GRIK2: variants seen among roughly 807,000 people sequenced by gnomAD.
GRIK2 encodes the protein glutamate receptor ionotropic, kainate 2.
GRIK2 carries 32 observed loss-of-function variants against 100.3 expected under a neutral mutation model. That is an observed-to-expected ratio of 0.32 (90% confidence interval 0.24 to 0.43). The LOEUF is 0.43. Ranked by LOEUF, GRIK2 falls within the 20% of genes least tolerant of loss-of-function variation. The probability of loss-of-function intolerance (pLI) is 1.00; values close to 1 mark genes in which losing one functional copy is unlikely to be tolerated. For synonymous variants in GRIK2, 417 were observed against 389.4 expected (o/e 1.07, Z -0.83); for missense variants, 843 against 1,114.9 (o/e 0.76, Z 3.47).
At chr6:101,445,769 A>C (rs1041713428) in intron 2 of GRIK2, among the ~76,000 whole-genome samples, 1 of 152,002 alleles carries the variant, frequency 6.6e-6, no homozygotes, top group African/African-American at 2.4e-5. Flanking sequence ...TCTGTAGTTG[A>C]CTCATTCACT....
At chr6:101,483,627 T>G (rs1019812421) in intron 2 of GRIK2, among the ~76,000 whole-genome samples, 2 of 152,198 alleles carry the variant, frequency 1.3e-5, no homozygotes, top group African/African-American at 4.8e-5. Context: ...TAGGCTGGAG[T>G]GCAGTGGCAC....
intron 2 of GRIK2, among the ~76,000 whole-genome samples, chr6:101,599,686 T>G (rs623176): frequency 0.3 from 45,223 of 151,674 alleles, 7,458 homozygotes; most frequent in African/African-American, 0.43. Flanking sequence ...TTCATATGCT[T>G]GTTGACCACA....
At chr6:101,880,007 A>G (rs1786136021) in intron 11 of GRIK2, among the ~76,000 whole-genome samples, 1 of 152,030 alleles carries the variant, frequency 6.6e-6, no homozygotes, top group Non-Finnish European at 1.5e-5. Flanking sequence ...CATATGGCTT[A>G]TTTTAAATAA....
chr6:101,448,120 G>A (rs1230014329), intron 2 of GRIK2, among the ~76,000 whole-genome samples: 1 of 151,636 alleles, frequency 6.6e-6, no homozygotes, highest in Non-Finnish European at 1.5e-5. Context: ...CTGTTTTAGA[G>A]TTAGTCTACC....
intron 15 of GRIK2, among the ~76,000 whole-genome samples, chr6:102,041,200 C>CA (rs942885982): frequency 1.3e-5 from 2 of 151,590 alleles, no homozygotes; most frequent in African/African-American, 4.8e-5. Context: ...CCACTGTGAA[C>CA]AGCCGTGATT....
At chr6:101,531,444 A>T (rs1292065200) in intron 2 of GRIK2, among the ~76,000 whole-genome samples, 3 of 151,968 alleles carry the variant, frequency 2.0e-5, no homozygotes, top group Admixed American at 6.6e-5. Flanking sequence ...GACAAGTAAC[A>T]TATATTTGAG....
At chr6:101,648,082 T>G (rs551650067) in intron 4 of GRIK2, among the ~76,000 whole-genome samples, 33 of 152,186 alleles carry the variant, frequency 2.2e-4, no homozygotes, top group African/African-American at 7.2e-4. Context: ...ACATCACCCC[T>G]GATGGATCAC....
At chr6:101,876,052 A>G (rs1192443863) in intron 11 of GRIK2, among the ~76,000 whole-genome samples, 1 of 151,246 alleles carries the variant, frequency 6.6e-6, no homozygotes, top group Non-Finnish European at 1.5e-5. Flanking sequence ...TCATCTTGGG[A>G]TCAACATTAC....
At chr6:101,744,211 G>A (rs1370469218) in intron 7 of GRIK2, among the ~76,000 whole-genome samples, 1 of 151,850 alleles carries the variant, frequency 6.6e-6, no homozygotes, top group East Asian at 1.9e-4. Context: ...CAAAGTTCTG[G>A]GATTACAGAC....
Position 101,887,136 on chromosome 6 carries a change from C to A in GRIK2, c.1525-2504C>A, listed in dbSNP as rs1470559219. Among the ~76,000 whole-genome samples, 3 of 151,962 alleles carry A rather than the reference C, an allele frequency of 2.0e-5. No individual in the cohort carries two copies. In the East Asian group the frequency reaches 5.8e-4, roughly 29 times the overall value. The stretch of plus-strand genomic sequence containing the variant: ...AGCCAGCGTGCCTGGCCTCTTCTCT[C>A]TACTTCTATGAAATTAATTTTTTAA... On this transcript the variant is annotated intron_variant, in intron 11 of 16. Coordinates refer to ENST00000369134, the MANE Select transcript of GRIK2 (RefSeq NM_021956.5).
At chr6:101,546,406 T>C (rs1776235019) in intron 2 of GRIK2, among the ~76,000 whole-genome samples, 3 of 152,192 alleles carry the variant, frequency 2.0e-5, no homozygotes, top group Non-Finnish European at 4.4e-5. Flanking sequence ...CACCCATAAT[T>C]TGTCTGAACT....
chr6:101,976,021 A>T (rs1289759731), intron 14 of GRIK2, among the ~76,000 whole-genome samples: 2 of 151,994 alleles, frequency 1.3e-5, no homozygotes. Flanking sequence ...AAAATCATTT[A>T]GTTTTGGATG....
chr6:101,975,019 TGAAAA>T (rs1289133867), intron 14 of GRIK2, among the ~76,000 whole-genome samples: 1 of 151,902 alleles, frequency 6.6e-6, no homozygotes, highest in Non-Finnish European at 1.5e-5. Context: ...TATTCAAACA[TGAAAA>T]GAATAGTGCT....
chr6:101,542,889 A>G (rs1776069642), intron 2 of GRIK2, among the ~76,000 whole-genome samples: 1 of 152,046 alleles, frequency 6.6e-6, no homozygotes, highest in Non-Finnish European at 1.5e-5. Context: ...AAAGATTGTA[A>G]TGTGTTTAGA....
intron 10 of GRIK2, among the ~76,000 whole-genome samples, chr6:101,842,847 T>C (rs966744657): frequency 4.6e-5 from 7 of 152,308 alleles, no homozygotes; most frequent in Non-Finnish European, 8.8e-5. Context: ...AAGTTAGTAT[T>C]GAGTTCTTTA....
chr6:101,947,110 G>T (rs1363272392), intron 14 of GRIK2, among the ~76,000 whole-genome samples: 1 of 152,164 alleles, frequency 6.6e-6, no homozygotes, highest in Non-Finnish European at 1.5e-5. Context: ...GAAAAGAGAG[G>T]TCAGGGGCTT....
chr6:101,952,606 A>ATT (rs558786033), intron 14 of GRIK2, among the ~76,000 whole-genome samples: 1,794 of 144,824 alleles, frequency 0.012, 40 homozygotes, highest in African/African-American at 0.042. Context: ...TCACCACAAT[A>ATT]TTTTTTTTTT....
intron 2 of GRIK2, among the ~76,000 whole-genome samples, chr6:101,449,882 A>G (rs961526134): frequency 6.6e-6 from 1 of 151,746 alleles, no homozygotes; most frequent in African/African-American, 2.4e-5. Context: ...CTTGGAGTGT[A>G]GAGACGATTA....
At chr6:101,581,304 A>G (rs34788271) in intron 2 of GRIK2, among the ~76,000 whole-genome samples, 23,814 of 148,206 alleles carry the variant, frequency 0.16, 2,268 homozygotes, top group Middle Eastern at 0.26. Context: ...GTGTGTGTGT[A>G]TATACATATG....
Sources: gnomAD v4.1 joint callset for allele counts (sites outside exome capture counted in the v4.1 genomes callset) on GRCh38, gnomAD v4.1.1 for gene constraint, MANE v1.5 for transcripts, NCBI Gene and HGNC (gene_info 2026-07-23, HGNC 2026-07-21) for gene names.